The following CDH18 variants were observed in gnomAD, a reference collection of about 807,000 sequenced individuals.
CDH18 encodes cadherin-18.
CDH18 carries 31 observed loss-of-function variants against 67.9 expected under a neutral mutation model. That is an observed-to-expected ratio of 0.46 (90% CI 0.34 to 0.62). The LOEUF is 0.62. CDH18 is among the 20% of genes least tolerant of loss of function. CDH18 has a pLI of 0.01. For synonymous variants in CDH18, 362 were observed against 347.2 expected (o/e 1.04, Z -0.48); for missense variants, 890 against 975.5 (o/e 0.91, Z 1.17).
chr5:20,148,394 G>A (rs938555071), intron 2 of CDH18, among the ~76,000 whole-genome samples: 2 of 152,082 alleles, frequency 1.3e-5, no homozygotes, highest in South Asian at 2.1e-4. Context: ...ACCGTGCCTG[G>A]CCTAGTGTCT....
At chr5:19,745,179 A>G (rs1769818849) in intron 4 of CDH18, among the ~76,000 whole-genome samples, 1 of 152,236 alleles carries the variant, frequency 6.6e-6, no homozygotes, top group South Asian at 2.1e-4. Flanking sequence ...TACCAGGACA[A>G]TAATTCAGGT....
At chr5:20,569,345 AG>A (rs1758681353) in intron 1 of CDH18, among the ~76,000 whole-genome samples, 1 of 152,164 alleles carries the variant, frequency 6.6e-6, no homozygotes, top group African/African-American at 2.4e-5. Flanking sequence ...ATGCTCGGCC[AG>A]GCGCCATGGC....
chr5:19,588,272 A>AT (rs973352049), intron 7 of CDH18, among the ~76,000 whole-genome samples: 7 of 151,550 alleles, frequency 4.6e-5, no homozygotes, highest in African/African-American at 1.7e-4. Context: ...AATACCCTTT[A>AT]TTTTTTTTCT....
chr5:20,475,025 A>C (rs2150245851), intron 1 of CDH18, among the ~76,000 whole-genome samples: 1 of 146,064 alleles, frequency 6.8e-6, no homozygotes, highest in East Asian at 1.9e-4. Context: ...CTTGTATTTG[A>C]TTATATGTGT....
intron 1 of CDH18, among the ~76,000 whole-genome samples, chr5:20,319,905 T>C (rs1737840755): frequency 6.6e-6 from 1 of 152,214 alleles, no homozygotes; most frequent in Admixed American, 6.5e-5. Flanking sequence ...TATGTAATTC[T>C]ACATTCCAAT....
intron 2 of CDH18, among the ~76,000 whole-genome samples, chr5:20,103,080 C>A (rs1746613342): frequency 6.6e-6 from 1 of 152,120 alleles, no homozygotes; most frequent in Middle Eastern, 3.2e-3. Context: ...TAACTCAATG[C>A]CTTAGAAAAT....
intron 1 of CDH18, among the ~76,000 whole-genome samples, chr5:20,314,613 A>G (rs1189235822): frequency 6.6e-6 from 1 of 152,104 alleles, no homozygotes; most frequent in East Asian, 1.9e-4. Flanking sequence ...CATGGACCCC[A>G]TTAGTTTTTG....
intron 1 of CDH18, among the ~76,000 whole-genome samples, chr5:20,488,544 C>T (rs1401095382): frequency 1.3e-5 from 2 of 151,986 alleles, no homozygotes; most frequent in Non-Finnish European, 1.5e-5. Context: ...CCCAAAACTA[C>T]TTAAAACAAA....
At chr5:19,490,604 A>G (rs1741306117) in intron 11 of CDH18, among the ~76,000 whole-genome samples, 1 of 151,578 alleles carries the variant, frequency 6.6e-6, no homozygotes, top group Non-Finnish European at 1.5e-5. Flanking sequence ...TAGTAGAGAC[A>G]GGGTTTCACC....
At chr5:19,725,505 C>A (rs1043305382) in intron 4 of CDH18, among the ~76,000 whole-genome samples, 4 of 152,174 alleles carry the variant, frequency 2.6e-5, no homozygotes, top group African/African-American at 9.7e-5. Flanking sequence ...CACAGTGGCT[C>A]ACGCCTGTAA....
chr5:19,551,983 A>G (rs1223575015), intron 8 of CDH18, among the ~76,000 whole-genome samples: 1 of 152,176 alleles, frequency 6.6e-6, no homozygotes, highest in Non-Finnish European at 1.5e-5. Context: ...GAATAAGCCA[A>G]CCAATCAATC....
intron 11 of CDH18, among the ~76,000 whole-genome samples, chr5:19,497,095 T>A (rs1742467771): frequency 6.6e-6 from 1 of 152,044 alleles, no homozygotes; most frequent in Admixed American, 6.6e-5. Flanking sequence ...AGACCATGTG[T>A]TCCAGTCCTG....
intron 1 of CDH18, among the ~76,000 whole-genome samples, chr5:20,453,597 G>GTA (rs1361368959): frequency 4.6e-5 from 7 of 151,250 alleles, no homozygotes; most frequent in Non-Finnish European, 1.0e-4. Context: ...GTGTGTATAT[G>GTA]TATATATATG....
rs180913260 is a variant in CDH18 at position 20,460,536 on chromosome 5, A to C, written c.-580+114926T>G. 3.3e-5 allele frequency among the ~76,000 whole-genome samples: 5 copies of C among 152,250 alleles called. No homozygotes were observed. The South Asian group carries it at 8.3e-4, about 25-fold the overall frequency. The stretch of plus-strand genomic sequence containing the variant: ...ATGGTGACTGGCATTTTGGTTGTGC[A>C]CACCATTCTAGGCAGATACTGCTCC... On this transcript the variant is annotated intron_variant, in intron 1 of 14. Coordinates refer to the CDH18 transcript ENST00000507958.
chr5:19,503,173 A>G, intron 10 of CDH18, 64 bp from the exon 11 acceptor site: 1 of 795,074 alleles, frequency 1.3e-6, no homozygotes, highest in South Asian at 1.5e-5. Flanking sequence ...TTTTAATTAC[A>G]CTGTATTATT....
At chr5:19,553,309 A>G (rs997239867) in intron 8 of CDH18, among the ~76,000 whole-genome samples, 2 of 152,104 alleles carry the variant, frequency 1.3e-5, no homozygotes, top group Admixed American at 1.3e-4. Flanking sequence ...TTAATTTAAA[A>G]CTTATGTAAC....
At chr5:20,557,558 T>TCC (rs1169257608) in intron 1 of CDH18, among the ~76,000 whole-genome samples, 1 of 152,050 alleles carries the variant, frequency 6.6e-6, no homozygotes, top group Non-Finnish European at 1.5e-5. Flanking sequence ...AATGGCTACA[T>TCC]CCCTTATCCC....
At chr5:20,375,518 T>C (rs1743342408) in intron 1 of CDH18, among the ~76,000 whole-genome samples, 1 of 152,166 alleles carries the variant, frequency 6.6e-6, no homozygotes, top group Admixed American at 6.5e-5. Flanking sequence ...CAAGCAACAG[T>C]TTATTAAAGA....
Position 19,593,707 on chromosome 5 carries a change from C to CCTCCTCCTCCTCCTTCTTCTTCTTCTT in CDH18, c.812-2464_812-2463insAAGAAGAAGAAGAAGGAGGAGGAGGAG. On this transcript the variant is annotated intron_variant, in intron 6 of 12. Coordinates refer to ENST00000382275, the MANE Select transcript of CDH18 (RefSeq NM_004934.5). ...TCCTTCTCTTCCTCTTCCTCCTCCT[C>CCTCCTCCTCCTCCTTCTTCTTCTTCTT]CTTCTTCTTCTTCTTCTTCTTCTTC... is the stretch of plus-strand genomic sequence containing the variant. 7.5e-4 allele frequency among the ~76,000 whole-genome samples: 25 copies of CCTCCTCCTCCTCCTTCTTCTTCTTCTT among 33,372 alleles called. 1 individual carries two copies. Among genetic ancestry groups the CCTCCTCCTCCTCCTTCTTCTTCTTCTT allele is most frequent in the African/African-American group, 2.8e-3 (24 of 8,592 alleles). The allele number at this position is 33,372 out of a possible 152,430, so 21.9% of individuals were successfully genotyped here. A position where few individuals can be genotyped will look rare whatever the true frequency, so the allele number is the denominator to read the frequency against.
Sources: allele counts gnomAD v4.1 joint callset (sites outside exome capture counted in the v4.1 genomes callset), GRCh38; gene constraint gnomAD v4.1.1; transcripts MANE v1.5; gene names NCBI Gene and HGNC (gene_info 2026-07-23, HGNC 2026-07-21).